The following CHEK2 variants were observed in gnomAD, a reference collection of about 807,000 sequenced individuals.
CHEK2 encodes the protein serine/threonine-protein kinase Chk2.
Under a neutral mutation model 69.1 loss-of-function variants are expected in CHEK2, and 71 were observed. The observed-to-expected ratio is 1.03, with a 90% confidence interval of 0.85 to 1.25. CHEK2 has a LOEUF of 1.25. Among genes scored for constraint, CHEK2 ranks in the 50% most tolerant of loss-of-function variants. The pLI, the probability that CHEK2 is intolerant of heterozygous loss-of-function variation, is 0.00. For synonymous variants in CHEK2, 189 were observed against 226.9 expected (o/e 0.83, Z 1.50); for missense variants, 664 against 649.6 (o/e 1.02, Z -0.24).
At chr22:28,696,387 A>G (rs1911189697) in intron 10 of CHEK2, among the ~76,000 whole-genome samples, 1 of 152,166 alleles carries the variant, frequency 6.6e-6, no homozygotes, top group South Asian at 2.1e-4. Flanking sequence ...TCATTCACCT[A>G]TTCTGAGATG....
At chr22:28,730,547 C>T in intron 2 of CHEK2, 1 of 694,864 alleles carries the variant, frequency 1.4e-6, no homozygotes, top group Non-Finnish European at 2.6e-6. Flanking sequence ...CAGACTCTGT[C>T]TCTACAAAAA....
intron 2 of CHEK2, among the ~76,000 whole-genome samples, chr22:28,728,966 C>A (rs937419402): frequency 6.8e-5 from 4 of 59,250 alleles, no homozygotes; most frequent in African/African-American, 1.3e-4. Context: ...AAGAGTGAGA[C>A]CCTGTCTCAA....
chr22:28,726,493 TATA>T (rs2054016633), intron 2 of CHEK2: 1 of 146,498 alleles, frequency 6.8e-6, no homozygotes, highest in Non-Finnish European at 1.5e-5. Flanking sequence ...TTGTCTTAAA[TATA>T]ATTATATATT....
intron 4 of CHEK2, among the ~76,000 whole-genome samples, chr22:28,722,308 A>T (rs1048651635): frequency 1.1e-4 from 16 of 151,984 alleles, no homozygotes; most frequent in African/African-American, 3.6e-4. Flanking sequence ...TGGAAGGCCG[A>T]GGCGGAAGGA....
intron 5 of CHEK2, 103 bp from the exon 6 acceptor site, chr22:28,712,120 T>TTAGAATTTACAGACATTCCATAA: frequency 1.2e-6 from 1 of 832,966 alleles, no homozygotes; most frequent in Non-Finnish European, 2.0e-6. Context: ...ACATTCCATA[T>TTAGAATTTACAGACATTCCATAA]AACAGCCTTT....
intron 2 of CHEK2, 111 bp downstream of exon 2, chr22:28,734,292 C>T (rs2054304933): frequency 3.7e-5 from 36 of 983,202 alleles, no homozygotes; most frequent in East Asian, 1.3e-4. Context: ...ATTATTTGTT[C>T]AACGTGCCAA....
chr22:28,731,531 G>A (rs1369868155), intron 2 of CHEK2, among the ~76,000 whole-genome samples: 5 of 152,038 alleles, frequency 3.3e-5, no homozygotes, highest in Non-Finnish European at 7.4e-5. Context: ...AGGAGATTGA[G>A]GTTGCAGTGA....
chr22:28,725,908 C>CA (rs34005683), intron 2 of CHEK2, among the ~76,000 whole-genome samples: 112,353 of 142,814 alleles, frequency 0.79, 43,997 homozygotes, highest in Non-Finnish European at 0.84. Flanking sequence ...GACCCAGTTT[C>CA]AAAAAAAAAA....
At chr22:28,720,310 C>T (rs1232459381) in intron 4 of CHEK2, among the ~76,000 whole-genome samples, 1 of 151,118 alleles carries the variant, frequency 6.6e-6, no homozygotes, top group Admixed American at 6.6e-5. Flanking sequence ...AGGCTGATCT[C>T]GAACTCCTGA....
intron 2 of CHEK2, among the ~76,000 whole-genome samples, chr22:28,732,543 G>A (rs976807882): frequency 3.9e-5 from 6 of 152,080 alleles, no homozygotes; most frequent in East Asian, 1.9e-4. Context: ...CACAATGCCC[G>A]GTCTGAAAAA....
In CHEK2 at chr22:28,687,909, A is replaced by G. The variant is rs1194893297; in HGVS notation, c.1620T>C (p.Ala540=). Residue 540 remains alanine (A), a synonymous_variant, in exon 15 of 15, where the codon GCT becomes GCC. Transcript: ENST00000404276. ...CAAACCACGGAGTTCACAACACAGC[A>G]GCACACACAGCTGGGCGCTTTGTGG... ...AETTKRPAVC[A]AVL is the part of the protein sequence containing the mutation. 1 of 1,596,318 alleles carries G rather than the reference A, an allele frequency of 6.3e-7. No individual in the cohort carries two copies. Among genetic ancestry groups the G allele is most frequent in the Non-Finnish European group, 8.5e-7 (1 of 1,179,626 alleles).
chr22:28,736,272 G>C (rs2054400875), intron 1 of CHEK2, among the ~76,000 whole-genome samples: 1 of 152,164 alleles, frequency 6.6e-6, no homozygotes, highest in South Asian at 2.1e-4. Flanking sequence ...AAATCAGGTG[G>C]CTTGATATAA....
At chr22:28,725,428 T>C (rs2146073703) in intron 2 of CHEK2, 61 bp from the exon 3 acceptor site, 3 of 1,605,050 alleles carry the variant, frequency 1.9e-6, no homozygotes, top group Non-Finnish European at 2.6e-6. Context: ...CGTTTAAAAA[T>C]TGCTCATAAA....
intron 6 of CHEK2, among the ~76,000 whole-genome samples, chr22:28,710,501 A>G (rs1433995649): frequency 2.0e-5 from 3 of 152,272 alleles, no homozygotes; most frequent in Non-Finnish European, 4.4e-5. Flanking sequence ...AACATGAACA[A>G]GAAGGTGTTC....
At chr22:28,710,181 C>A in intron 6 of CHEK2, 122 bp from the exon 7 acceptor site, 1 of 631,830 alleles carries the variant, frequency 1.6e-6, no homozygotes, top group South Asian at 1.7e-5. Context: ...TCTACTTATA[C>A]AAAGAAATCA....
chr22:28,740,734 T>C (rs2054531423), intron 1 of CHEK2, among the ~76,000 whole-genome samples: 1 of 152,176 alleles, frequency 6.6e-6, no homozygotes, highest in Non-Finnish European at 1.5e-5. Context: ...TCAATAAGTC[T>C]GATCTTGTGG....
At chr22:28,711,882 G>T in intron 6 of CHEK2, 27 bp downstream of exon 6, 1 of 1,441,172 alleles carries the variant, frequency 6.9e-7, no homozygotes, top group South Asian at 1.1e-5. Flanking sequence ...GTTAATAAAA[G>T]GTGATCAGCC....
rs786203303 is a variant in CHEK2, at chr22:28,694,054, G to C, written c.1439C>G (p.Ala480Gly). 1 of 1,595,894 alleles carries C rather than the reference G, an allele frequency of 6.3e-7. No homozygotes were observed. The highest frequency in any genetic ancestry group is 8.5e-7 in the Non-Finnish European group (1 of 1,179,362). Residue 480 changes from alanine (A) to glycine (G), a missense_variant, in exon 13 of 15, where the codon GCC becomes GGC. Physicochemically the swap from Ala to Gly is moderately conservative, Grantham distance 60. Transcript: ENST00000404276. ...DPKARFTTEEALRHPWLQDED... is the reference protein window; with the variant it reads ...DPKARFTTEEGLRHPWLQDED... The stretch of plus-strand genomic sequence containing the variant: ...CACCTGAAGCCACGGGTGTCTTAAG[G>C]CTTCTTCTGTCGTAAAACGTGCCTT...
chr22:28,739,966 G>T (rs1254646397), intron 1 of CHEK2, among the ~76,000 whole-genome samples: 1 of 152,154 alleles, frequency 6.6e-6, no homozygotes, highest in Non-Finnish European at 1.5e-5. Context: ...ACTTTGGGAG[G>T]CCAAGGCGGG....
Sources: allele counts gnomAD v4.1 joint callset (sites outside exome capture counted in the v4.1 genomes callset), GRCh38; gene constraint gnomAD v4.1.1; transcripts MANE v1.5; gene names NCBI Gene and HGNC (gene_info 2026-07-23, HGNC 2026-07-21).